Variants in DDX17 observed in about 807,000 individuals in gnomAD.
DDX17 encodes the protein probable ATP-dependent RNA helicase DDX17.
In DDX17, 10 loss-of-function variants were observed where a neutral mutation model predicts 80.8. That is an observed-to-expected ratio of 0.12 (90% CI 0.08 to 0.21). The LOEUF (loss-of-function observed/expected upper bound fraction) is 0.21, where lower values mean the gene tolerates loss of function less well. DDX17 is among the 10% of genes least tolerant of loss of function. The probability of loss-of-function intolerance (pLI) is 1.00; values close to 1 mark genes in which losing one functional copy is unlikely to be tolerated. For missense variants in DDX17, 586 were observed against 957.4 expected, an observed-to-expected ratio of 0.61 and a Z score of 5.12; for synonymous variants, 339 against 336.2, an observed-to-expected ratio of 1.01 and a Z score of -0.09.
chr22:38,486,472 GCA>G, intron 12 of DDX17, 32 bp from the exon 13 acceptor site: 1 of 1,550,456 alleles, frequency 6.4e-7, no homozygotes, highest in Non-Finnish European at 8.7e-7. Context: ...ATTTTTAATG[GCA>G]GATATAGGAC....
chr22:38,491,745 G>A (rs951636363), intron 11 of DDX17: 2 of 274,300 alleles, frequency 7.3e-6, no homozygotes, highest in Non-Finnish European at 1.4e-5. Context: ...GAGAAGCTGA[G>A]CCATTCAGCT....
chr22:38,487,763 T>G, intron 12 of DDX17, 116 bp downstream of exon 12: 1 of 1,045,052 alleles, frequency 9.6e-7, no homozygotes, highest in Non-Finnish European at 1.5e-6. Context: ...GGCAGTGTCC[T>G]TTGCTATTAA....
At chr22:38,492,582 G>A (rs773585000) in intron 10 of DDX17, among the ~76,000 whole-genome samples, 6 of 152,192 alleles carry the variant, frequency 3.9e-5, no homozygotes, top group Admixed American at 2.6e-4. Flanking sequence ...CACCTCCCGG[G>A]TTCAAGCGAT....
At position 38,506,132 on chromosome 22, in the gene DDX17, C is replaced by T. The variant is rs1337990301; in HGVS notation, c.106G>A (p.Glu36Lys). 1.3e-6 allele frequency: 2 copies of T among 1,579,656 alleles called. No individual in the cohort carries two copies. The highest frequency in any genetic ancestry group is 2.3e-5 in the East Asian group (1 of 43,168). Reference sequence around the variant, plus strand: ...GGGGCGGCGGCAGGCGCAGCGCTCTCTCGCTCCGACGCGCTGTCTCCCGTC... The same window carrying T: ...GGGGCGGCGGCAGGCGCAGCGCTCTTTCGCTCCGACGCGCTGTCTCCCGTC... Residue 36 changes from glutamate to lysine, a missense_variant, in exon 1 of 13, where the codon GAG (glutamate) becomes AAG (lysine). By Grantham distance (56) the Glu-to-Lys change is moderately conservative. Transcript: ENST00000403230.
Position 38,486,125 on chromosome 22 carries a change from G to A in DDX17, c.2000C>T (p.Ser667Leu), listed in dbSNP as rs2089656261. The A allele has an allele frequency of 6.2e-7, 1 of 1,614,128 alleles. No homozygotes were observed. Among genetic ancestry groups the A allele is most frequent in the Non-Finnish European group, 8.5e-7 (1 of 1,180,052 alleles). ...AGAGCTCTGTGAACTTCTCCCAGTT[G>A]AGGTGGTGCTACTAGCTCCATAAGT... Residue 667 changes from serine to leucine, a missense_variant, in exon 13 of 13, where the codon TCA becomes TTA. Around this residue, in one of 4 missense-constraint regions of DDX17, gnomAD observed 221 missense variants for 261.4 expected, o/e 0.85. Coordinates refer to ENST00000403230, the MANE Select transcript of DDX17 (RefSeq NM_006386.5).
At position 38,485,970 on chromosome 22, in the gene DDX17, G is replaced by A; in HGVS notation, c.2155C>T (p.Pro719Ser). The A allele has an allele frequency of 6.2e-7, 1 of 1,613,954 alleles. No individual in the cohort carries two copies. The highest frequency in any genetic ancestry group is 8.5e-7 in the Non-Finnish European group (1 of 1,179,990). ...GAAGGAGGAGGAGGGGGAGGAGGAGGAGGGTATTGGTAGGCAGTCTGCCCC... is the reference window on the plus strand; with the variant it reads ...GAAGGAGGAGGAGGGGGAGGAGGAGAAGGGTATTGGTAGGCAGTCTGCCCC... Residue 719 changes from proline (P) to serine (S), a missense_variant, in exon 13 of 13, where the codon CCT (proline) becomes TCT (serine). By Grantham distance (74) the Pro-to-Ser change is moderately conservative. Coordinates refer to ENST00000403230, the MANE Select transcript of DDX17 (RefSeq NM_006386.5).
intron 4 of DDX17, 54 bp downstream of exon 4, chr22:38,498,386 G>C: frequency 6.2e-7 from 1 of 1,607,456 alleles, no homozygotes; most frequent in South Asian, 1.1e-5. Context: ...ATGACAACTA[G>C]AATAGCAAAA....
chr22:38,495,728 C>T, intron 6 of DDX17, 68 bp downstream of exon 6: 2 of 1,327,648 alleles, frequency 1.5e-6, no homozygotes, highest in African/African-American at 1.5e-5. Context: ...CTTTTTTTCT[C>T]CAATTTCCTC....
rs1339296098 is a variant in DDX17, at chr22:38,506,239, T to C, written c.-2A>G. 1.2e-6 allele frequency: 2 copies of C among 1,601,236 alleles called. No homozygotes were observed. Among genetic ancestry groups the C allele is most frequent in the South Asian group, 2.2e-5 (2 of 89,540 alleles). On this transcript the variant is annotated 5_prime_UTR_variant, in exon 1 of 13. Coordinates refer to ENST00000403230, the MANE Select transcript of DDX17 (RefSeq NM_006386.5). Reference sequence around the variant, plus strand: ...CGGGGCTACAAAGCCGGTGGGCAGGTTTGGCTACGCTCAAACCGGGCAGTG... The same window carrying C: ...CGGGGCTACAAAGCCGGTGGGCAGGCTTGGCTACGCTCAAACCGGGCAGTG...
intron 2 of DDX17, 127 bp downstream of exon 2, chr22:38,501,003 T>G: frequency 1.5e-6 from 2 of 1,297,706 alleles, no homozygotes; most frequent in Non-Finnish European, 2.0e-6. Flanking sequence ...ACCAAAAAAT[T>G]TTTTAAGAAA....
At position 38,489,657 on chromosome 22, in the gene DDX17, TGAA is replaced by T; in HGVS notation, c.1448-1545_1448-1543del. 2 of 984,222 alleles carry T rather than the reference TGAA, an allele frequency of 2.0e-6. No homozygotes were observed. Among genetic ancestry groups the T allele is most frequent in the Non-Finnish European group, 2.4e-6 (2 of 829,784 alleles). The allele number at this position is 984,222 out of a possible 1,614,324, so 61.0% of individuals were successfully genotyped here. A position where few individuals can be genotyped will look rare whatever the true frequency, so the allele number is the denominator to read the frequency against. ...AAATTAGCTGTTGTTACAGGGCTTG[TGAA>T]GAAGGGGCATTATGTCTGTTTCTTA... On this transcript the variant is annotated intron_variant, in intron 11 of 12. Coordinates refer to ENST00000403230, the MANE Select transcript of DDX17 (RefSeq NM_006386.5). The surrounding 1 kb of genome is among the most constrained non-coding windows in gnomAD (Gnocchi z 4.6).
rs1431490434 is a variant in DDX17 at position 38,485,238 on chromosome 22, A to C, written c.*697T>G. 1 of 152,168 alleles carries C rather than the reference A, an allele frequency of 6.6e-6. No individual in the cohort carries two copies. The highest frequency in any genetic ancestry group is 1.5e-5 in the Non-Finnish European group (1 of 68,038). 9.4% of individuals were successfully genotyped at this position (152,168 alleles called of 1,614,324 possible). On this transcript the variant is annotated 3_prime_UTR_variant, in exon 13 of 13. Coordinates refer to ENST00000403230, the MANE Select transcript of DDX17 (RefSeq NM_006386.5). ...GTGGTTTTTAATTTAAAGGATACACAAAACTCAGCAATTCAATTTCTAGCC... is the reference window on the plus strand; with the variant it reads ...GTGGTTTTTAATTTAAAGGATACACCAAACTCAGCAATTCAATTTCTAGCC...
chr22:38,488,300 T>C, intron 11 of DDX17, 185 bp from the exon 12 acceptor site: 3 of 1,491,428 alleles, frequency 2.0e-6, no homozygotes, highest in Non-Finnish European at 2.7e-6. Context: ...AGAGGATTAC[T>C]GATTCCTGGG....
chr22:38,487,588 C>A (rs1008537022), intron 12 of DDX17, among the ~76,000 whole-genome samples: 4 of 152,184 alleles, frequency 2.6e-5, no homozygotes, highest in Non-Finnish European at 5.9e-5. Flanking sequence ...CATTGCACTT[C>A]AGCCTGGGCG....
chr22:38,491,223 C>T (rs1402304713), intron 11 of DDX17: 4 of 152,176 alleles, frequency 2.6e-5, no homozygotes, highest in Non-Finnish European at 4.4e-5. Context: ...GTTTGAATAC[C>T]TGTTCTCTTT....
In DDX17 at chr22:38,489,871, GT is replaced by G. The variant is rs1426394257; in HGVS notation, c.1448-1757del. On this transcript the variant is annotated intron_variant, in intron 11 of 12. Transcript: ENST00000403230. This position sits in a 1 kb window ranked among gnomAD's most constrained non-coding sequence, Gnocchi z 4.6. ...AGGGGGTGGGGAATTCTACTCCATG[GT>G]ATCTTCAGAGCTAGGATAATGCTCC... 1.0e-6 allele frequency: 1 copy of G among 985,854 alleles called. No homozygotes were observed. The highest frequency in any genetic ancestry group is 1.2e-6 in the Non-Finnish European group (1 of 830,374). 61.1% of individuals were successfully genotyped at this position (985,854 alleles called of 1,614,324 possible). A position where few individuals can be genotyped will look rare whatever the true frequency, so the allele number is the denominator to read the frequency against.
intron 1 of DDX17, among the ~76,000 whole-genome samples, chr22:38,502,859 A>G (rs189132714): frequency 1.1e-3 from 170 of 152,288 alleles, no homozygotes; most frequent in Middle Eastern, 3.4e-3. Context: ...TTGTAACTTC[A>G]TCTTATATAA....
intron 12 of DDX17, among the ~76,000 whole-genome samples, chr22:38,487,085 T>G (rs1259129743): frequency 6.6e-6 from 1 of 152,068 alleles, no homozygotes; most frequent in Non-Finnish European, 1.5e-5. Flanking sequence ...GGAGAATCAC[T>G]TGAACCCAGG....
chr22:38,487,408 CA>C (rs1248762191), intron 12 of DDX17, among the ~76,000 whole-genome samples: 1 of 152,122 alleles, frequency 6.6e-6, no homozygotes, highest in Admixed American at 6.5e-5. Context: ...CACCAGAGGT[CA>C]GGAGTTCGAG....
Sources: allele counts gnomAD v4.1 joint callset (sites outside exome capture counted in the v4.1 genomes callset), GRCh38; gene constraint gnomAD v4.1.1; regional missense constraint gnomAD v4.1.1; non-coding constraint Gnocchi (gnomAD v3.1); transcripts MANE v1.5; gene names NCBI Gene and HGNC (gene_info 2026-07-23, HGNC 2026-07-21).